Variants in SULF1 observed in about 807,000 individuals in gnomAD.
SULF1 encodes sulfatase 1.
SULF1 carries 46 observed loss-of-function variants against 110.5 expected under a neutral mutation model. The observed-to-expected ratio is 0.42, with a 90% CI of 0.33 to 0.53. The LOEUF is 0.53. SULF1 is among the 20% of genes least tolerant of loss of function. The pLI is 0.12. For missense variants in SULF1, 941 were observed against 1,094.2 expected (o/e 0.86, Z 1.98); for synonymous variants, 371 against 387.1 (o/e 0.96, Z 0.49).
chr8:69,616,230 A>AT (rs1197822345), intron 13 of SULF1, among the ~76,000 whole-genome samples: 1 of 139,994 alleles, frequency 7.1e-6, no homozygotes, highest in African/African-American at 2.7e-5. Context: ...ATATATATAT[A>AT]TTTTTTTGAG....
rs1005432227 is a variant in SULF1 at position 69,630,666 on chromosome 8, C to T, written c.2284+987C>T. On this transcript the variant is annotated intron_variant, in intron 19 of 22. Transcript: ENST00000402687. ...GGGAATCCCTGAGGGTTATTCAGAT[C>T]GCTGGGGACAGTAACTGGGGACGCA... 1.2e-4 allele frequency among the ~76,000 whole-genome samples: 18 copies of T among 152,058 alleles called. No homozygotes were observed. The East Asian group carries it at 2.5e-3, about 21-fold the overall frequency.
At chr8:69,616,176 G>A (rs1714658167) in intron 13 of SULF1, among the ~76,000 whole-genome samples, 3 of 144,108 alleles carry the variant, frequency 2.1e-5, no homozygotes, top group Admixed American at 2.1e-4. Context: ...ATATATATGT[G>A]TATATAAATA....
chr8:69,558,917 A>G (rs1018822586), intron 3 of SULF1, among the ~76,000 whole-genome samples: 1 of 152,158 alleles, frequency 6.6e-6, no homozygotes, highest in African/African-American at 2.4e-5. Flanking sequence ...AACCTAAATG[A>G]TATATTTTAT....
chr8:69,580,702 A>G (rs1806002288), intron 6 of SULF1, among the ~76,000 whole-genome samples: 2 of 152,220 alleles, frequency 1.3e-5, no homozygotes, highest in African/African-American at 2.4e-5. Flanking sequence ...AATCTTAATC[A>G]CATGAATTCT....
intron 15 of SULF1, among the ~76,000 whole-genome samples, chr8:69,625,395 A>G (rs9650231): frequency 0.78 from 118,081 of 152,170 alleles, 46,237 homozygotes; most frequent in African/African-American, 0.87. Flanking sequence ...TATTGTGTCC[A>G]GAATTGGTGG....
At chr8:69,623,179 A>G (rs1219139539) in intron 14 of SULF1, among the ~76,000 whole-genome samples, 1 of 149,868 alleles carries the variant, frequency 6.7e-6, no homozygotes, top group African/African-American at 2.4e-5. Context: ...GCCAGGTATA[A>G]AAGTGAGTTG....
chr8:69,633,532 T>C (rs1002645090), intron 19 of SULF1, among the ~76,000 whole-genome samples: 2 of 151,944 alleles, frequency 1.3e-5, no homozygotes, highest in African/African-American at 2.4e-5. Context: ...GGTTTCCCCA[T>C]GTTGGCCAGG....
At chr8:69,559,540 T>C (rs1815332184) in intron 3 of SULF1, among the ~76,000 whole-genome samples, 1 of 152,258 alleles carries the variant, frequency 6.6e-6, no homozygotes. Flanking sequence ...ATTTCTATCA[T>C]TGGTAACAAA....
At chr8:69,475,470 G>A (rs1303323193) in intron 1 of SULF1, among the ~76,000 whole-genome samples, 5 of 152,050 alleles carry the variant, frequency 3.3e-5, no homozygotes, top group African/African-American at 4.8e-5. Flanking sequence ...GAAAGGATGG[G>A]TGTAAGAAAC....
At chr8:69,548,614 A>ATTTTTTTTTTTTT (rs3059933) in intron 3 of SULF1, among the ~76,000 whole-genome samples, 25 of 120,902 alleles carry the variant, frequency 2.1e-4, no homozygotes, top group African/African-American at 8.1e-4. Flanking sequence ...TGCCTCGCTG[A>ATTTTTTTTTTTTT]TTTTTTTTTT....
At chr8:69,551,063 G>A (rs1563522151) in intron 3 of SULF1, among the ~76,000 whole-genome samples, 1 of 152,198 alleles carries the variant, frequency 6.6e-6, no homozygotes, top group Non-Finnish European at 1.5e-5. Flanking sequence ...ATATTCACCT[G>A]CCACTGTCTC....
chr8:69,477,575 A>G (rs1809352246), intron 1 of SULF1, among the ~76,000 whole-genome samples: 1 of 152,208 alleles, frequency 6.6e-6, no homozygotes, highest in Non-Finnish European at 1.5e-5. Context: ...AAAATAATTA[A>G]GCACACTATT....
chr8:69,548,598 C>T (rs1023342406), intron 3 of SULF1, among the ~76,000 whole-genome samples: 20 of 150,974 alleles, frequency 1.3e-4, no homozygotes, highest in Non-Finnish European at 2.4e-4. Context: ...CAGGCATGCA[C>T]CACCATGCCT....
At chr8:69,630,843 G>T (rs796890174) in intron 19 of SULF1, among the ~76,000 whole-genome samples, 14 of 152,294 alleles carry the variant, frequency 9.2e-5, no homozygotes, top group African/African-American at 3.4e-4. Flanking sequence ...TATACTTTAA[G>T]TTTTAGGGTA....
chr8:69,618,907 G>A lies in SULF1; in HGVS notation c.1378-2128G>A, dbSNP rs140035849. ...AATAATTGCATATCATTTTGTACAC[G>A]AGTGTCAGTTATCAGCAAAGCCATC... On this transcript the variant is annotated intron_variant, in intron 13 of 22. Transcript: ENST00000402687. Among the ~76,000 whole-genome samples, 545 of 152,202 alleles carry A rather than the reference G, an allele frequency of 3.6e-3. 2 individuals carry two copies. The highest frequency in any genetic ancestry group is 0.012 in the African/African-American group (505 of 41,532).
At chr8:69,638,065 A>T (rs996562331) in intron 19 of SULF1, 2 of 172,350 alleles carry the variant, frequency 1.2e-5, no homozygotes, top group African/African-American at 4.8e-5. Flanking sequence ...TTCATGCTTC[A>T]TTGGTGACAT....
chr8:69,523,390 T>G (rs4737981), intron 3 of SULF1, among the ~76,000 whole-genome samples: 1 of 151,958 alleles, frequency 6.6e-6, no homozygotes, highest in African/African-American at 2.4e-5. Context: ...GTGAAACAGA[T>G]ATTTGAGAGA....
At chr8:69,576,317 G>C in intron 6 of SULF1, 108 bp downstream of exon 6, 1 of 1,354,726 alleles carries the variant, frequency 7.4e-7, no homozygotes, top group Non-Finnish European at 1.0e-6. Flanking sequence ...CCTAAAAAAG[G>C]ATCAAGTGTT....
intron 5 of SULF1, among the ~76,000 whole-genome samples, chr8:69,573,510 T>A (rs956112886): frequency 1.3e-5 from 2 of 152,214 alleles, no homozygotes; most frequent in Non-Finnish European, 2.9e-5. Context: ...TTTCTTTTAT[T>A]TGAATTCTGC....
Sources: gnomAD v4.1 joint callset for allele counts (sites outside exome capture counted in the v4.1 genomes callset) on GRCh38, gnomAD v4.1.1 for gene constraint, MANE v1.5 for transcripts, NCBI Gene and HGNC (gene_info 2026-07-23, HGNC 2026-07-21) for gene names.